The following MPHOSPH9 variants were observed in gnomAD, a reference collection of about 807,000 sequenced individuals.
MPHOSPH9 encodes M-phase phosphoprotein 9.
Under a neutral mutation model 145.5 loss-of-function variants are expected in MPHOSPH9, and 88 were observed. The observed-to-expected ratio is 0.60, with a 90% CI of 0.51 to 0.72. MPHOSPH9 has a LOEUF of 0.72. MPHOSPH9 is among the 30% of genes least tolerant of loss of function. MPHOSPH9 has a pLI of 0.00. For synonymous variants in MPHOSPH9, 435 were observed against 486.2 expected (o/e 0.89, Z 1.39); for missense variants, 1,238 against 1,386.6 (o/e 0.89, Z 1.70).
intron 8 of MPHOSPH9, among the ~76,000 whole-genome samples, chr12:123,205,312 A>G (rs765694924): frequency 5.3e-5 from 8 of 152,144 alleles, no homozygotes; most frequent in Admixed American, 4.6e-4. Flanking sequence ...TTGGGAGGCC[A>G]AGGCGGGTGG....
chr12:123,181,171 T>C lies in MPHOSPH9; in HGVS notation c.2281A>G (p.Arg761Gly), dbSNP rs759174725. The C allele has an allele frequency of 1.2e-6, 2 of 1,611,468 alleles. No homozygotes were observed. Among genetic ancestry groups the C allele is most frequent in the African/African-American group, 2.7e-5 (2 of 74,812 alleles). ...GAACCATTACCCCTTACCTTTACTC[T>C]CCTGTGTTCTTTTCCAAGGGACTCA... ...EYESLGKEHR[R>G]VKDALNTTEN... The change falls in exon 14 of 24, where the codon AGA becomes GGA. Residue 761 changes from arginine to glycine, a missense_variant. Arg to Gly is a moderately radical substitution (Grantham distance 125). Coordinates refer to ENST00000606320, the MANE Select transcript of MPHOSPH9 (RefSeq NM_022782.4).
At chr12:123,236,740 CT>C (rs1186759355), upstream of MPHOSPH9, among the ~76,000 whole-genome samples, 11 of 151,986 alleles carry the variant, frequency 7.2e-5, no homozygotes, top group Admixed American at 6.6e-4. Flanking sequence ...TAATGTGTTT[CT>C]GTTTTAATAG....
intron 3 of MPHOSPH9, among the ~76,000 whole-genome samples, chr12:123,224,946 C>G (rs1239370471): frequency 1.3e-5 from 2 of 152,140 alleles, no homozygotes; most frequent in African/African-American, 4.8e-5. Context: ...AACATGACTA[C>G]TTCATTATGT....
intron 16 of MPHOSPH9, among the ~76,000 whole-genome samples, chr12:123,171,385 G>A (rs1167785996): frequency 1.3e-5 from 2 of 152,118 alleles, no homozygotes; most frequent in Admixed American, 6.6e-5. Flanking sequence ...CTTGGGAGGC[G>A]AAGGTTGCAG....
intron 12 of MPHOSPH9, among the ~76,000 whole-genome samples, chr12:123,196,167 T>A (rs1185489593): frequency 6.6e-6 from 1 of 152,018 alleles, no homozygotes; most frequent in African/African-American, 2.4e-5. Flanking sequence ...CTGGCCAACA[T>A]AGTGAAATCC....
intron 3 of MPHOSPH9, chr12:123,226,469 C>G (rs773021703): frequency 4.6e-5 from 12 of 260,798 alleles, no homozygotes; most frequent in Non-Finnish European, 7.6e-5. Flanking sequence ...TCAAATCCAG[C>G]CTTAGGAAAG....
intron 13 of MPHOSPH9, among the ~76,000 whole-genome samples, chr12:123,188,463 A>T (rs1371096055): frequency 6.6e-6 from 1 of 152,176 alleles, no homozygotes; most frequent in African/African-American, 2.4e-5. Flanking sequence ...CCAGACCCAT[A>T]AGCTCTTGCA....
intron 7 of MPHOSPH9, among the ~76,000 whole-genome samples, chr12:123,211,625 G>A (rs1385070013): frequency 6.6e-6 from 1 of 151,220 alleles, no homozygotes; most frequent in African/African-American, 2.4e-5. Context: ...CAAAGTGCTA[G>A]GATTACAGTT....
At chr12:123,217,400 T>C (rs911174588) in intron 6 of MPHOSPH9, among the ~76,000 whole-genome samples, 3 of 152,042 alleles carry the variant, frequency 2.0e-5, no homozygotes, top group Non-Finnish European at 4.4e-5. Flanking sequence ...GGTTTCACCA[T>C]GTTGACCAGG....
chr12:123,152,606 T>C, downstream of MPHOSPH9: 1 of 456,652 alleles, frequency 2.2e-6, no homozygotes, highest in South Asian at 1.5e-5. Context: ...ATGGCTTGAT[T>C]CCTCACATAT....
chr12:123,215,313 AT>A (rs918040421), intron 6 of MPHOSPH9, among the ~76,000 whole-genome samples: 302 of 145,284 alleles, frequency 2.1e-3, no homozygotes, highest in Middle Eastern at 3.6e-3. Flanking sequence ...ACTGTTGCAG[AT>A]TTTTTTTTTT....
intron 13 of MPHOSPH9, among the ~76,000 whole-genome samples, chr12:123,192,658 C>CAG (rs2045740167): frequency 9.0e-5 from 7 of 77,424 alleles, no homozygotes; most frequent in African/African-American, 1.8e-4. Context: ...AAAAAAAAAA[C>CAG]AGAGAGAAAA....
chr12:123,211,519 A>G (rs2046717193), intron 7 of MPHOSPH9, among the ~76,000 whole-genome samples: 1 of 148,606 alleles, frequency 6.7e-6, no homozygotes, highest in Admixed American at 6.8e-5. Flanking sequence ...AGCCCTGCTA[A>G]TTTTTTTGGT....
At chr12:123,239,048 A>C (rs914066193) in intron 1 of MPHOSPH9, among the ~76,000 whole-genome samples, 10 of 152,220 alleles carry the variant, frequency 6.6e-5, no homozygotes, top group African/African-American at 2.4e-4. Context: ...AGGAAGGCAG[A>C]TCGCTTGAGT....
In MPHOSPH9 at chr12:123,203,051, G is replaced by C. The variant is rs1447245682; in HGVS notation, c.1354C>G (p.Pro452Ala). ...TGAATCCCTGAAATCTGCTGCTTTG[G>C]CTTCATGTGTAACGTAGGATCTAGA... The part of the protein sequence containing the change: ...LTLDPTLHMK[P>A]KQQISGIQPH... Residue 452 changes from proline (P) to alanine (A), a missense_variant, in exon 10 of 24, where the codon CCA becomes GCA. Pro to Ala is a conservative substitution (Grantham distance 27). Coordinates refer to ENST00000606320, the MANE Select transcript of MPHOSPH9 (RefSeq NM_022782.4). The C allele has an allele frequency of 2.5e-6, 4 of 1,614,076 alleles. No individual in the cohort carries two copies. In the East Asian group the frequency reaches 6.7e-5, roughly 27 times the overall value.
intron 19 of MPHOSPH9, chr12:123,163,700 A>G (rs1310108795): frequency 5.3e-6 from 2 of 378,298 alleles, no homozygotes; most frequent in African/African-American, 4.0e-5. Flanking sequence ...TATTAGTTGT[A>G]AACAATTTAC....
chr12:123,173,131 C>T (rs1257322976), intron 16 of MPHOSPH9, among the ~76,000 whole-genome samples: 1 of 152,040 alleles, frequency 6.6e-6, no homozygotes, highest in African/African-American at 2.4e-5. Context: ...CTGCCTTGGC[C>T]TCCCAAAGTG....
chr12:123,223,112 G>C lies in MPHOSPH9; in HGVS notation c.274C>G (p.Leu92Val), dbSNP rs555837821. The C allele has an allele frequency of 1.1e-5, 16 of 1,444,434 alleles. No homozygotes were observed. In the Middle Eastern group the frequency reaches 7.1e-4, roughly 64 times the overall value. 89.5% of individuals were successfully genotyped at this position (1,444,434 alleles called of 1,614,324 possible). ...WKNCETRWLQ[L>V]FNLVEKQCQE... ...CATTGTTTTTCCACCAAATTGAATA[G>C]CTGTAACCACCTGGTCTATTAAATT... Residue 92 changes from leucine (L) to valine (V), a missense_variant, in exon 4 of 24, where the codon CTA becomes GTA. Coordinates refer to ENST00000606320, the MANE Select transcript of MPHOSPH9 (RefSeq NM_022782.4).
intron 8 of MPHOSPH9, among the ~76,000 whole-genome samples, chr12:123,204,451 G>T (rs778909678): frequency 3.9e-5 from 6 of 152,146 alleles, no homozygotes; most frequent in Non-Finnish European, 5.9e-5. Context: ...TTTGTTAAAA[G>T]AGTTGGCCAA....
Sources: allele counts gnomAD v4.1 joint callset (sites outside exome capture counted in the v4.1 genomes callset), GRCh38; gene constraint gnomAD v4.1.1; transcripts MANE v1.5; gene names NCBI Gene and HGNC (gene_info 2026-07-23, HGNC 2026-07-21).